Variants in NRXN1 observed in about 807,000 individuals in gnomAD.
The protein encoded by NRXN1 is neurexin-1.
In NRXN1, 39 loss-of-function variants were observed where a neutral mutation model predicts 150.9. The ratio of observed to expected loss-of-function variants is 0.26; its 90% CI spans 0.20 to 0.34. The LOEUF (loss-of-function observed/expected upper bound fraction) is 0.34. Ranked by LOEUF, NRXN1 falls within the 10% of genes least tolerant of loss-of-function variation. The pLI is 1.00. For missense variants in NRXN1, 1,815 were observed against 1,949.9 expected (o/e 0.93, Z 1.30); for synonymous variants, 924 against 757.0 (o/e 1.22, Z -3.62).
chr2:50,881,516 G>T (rs1212521533), intron 5 of NRXN1, among the ~76,000 whole-genome samples: 1 of 151,880 alleles, frequency 6.6e-6, no homozygotes, highest in Non-Finnish European at 1.5e-5. Flanking sequence ...TTGTCATGCT[G>T]TTGATAAAAA....
At chr2:50,971,403 T>C (rs1435431699) in intron 2 of NRXN1, among the ~76,000 whole-genome samples, 1 of 151,886 alleles carries the variant, frequency 6.6e-6, no homozygotes, top group South Asian at 2.1e-4. Context: ...GCCAACATGG[T>C]GAAACCCCGT....
At chr2:51,014,825 G>A (rs561147923) in intron 2 of NRXN1, among the ~76,000 whole-genome samples, 1 of 152,090 alleles carries the variant, frequency 6.6e-6, no homozygotes, top group East Asian at 1.9e-4. Flanking sequence ...TGAATTAATA[G>A]CACAAAGAGC....
chr2:50,197,803 C>A (rs17040158), intron 18 of NRXN1, among the ~76,000 whole-genome samples: 2,933 of 152,228 alleles, frequency 0.019, 99 homozygotes, highest in African/African-American at 0.067. Flanking sequence ...ATCACAGCTA[C>A]TTGACACCTA....
At chr2:50,056,586 C>A (rs1284625263) in intron 19 of NRXN1, among the ~76,000 whole-genome samples, 2 of 151,890 alleles carry the variant, frequency 1.3e-5, no homozygotes, top group Admixed American at 1.3e-4. Flanking sequence ...TTTAAAAGGA[C>A]ACAAATGGTA....
intron 17 of NRXN1, among the ~76,000 whole-genome samples, chr2:50,320,313 T>TG (rs2075938918): frequency 7.7e-6 from 1 of 129,260 alleles, no homozygotes; most frequent in African/African-American, 2.9e-5. Flanking sequence ...TATATATATA[T>TG]ATATATATAT....
chr2:50,270,848 G>C, intron 17 of NRXN1, among the ~76,000 whole-genome samples: 1 of 151,970 alleles, frequency 6.6e-6, no homozygotes, highest in East Asian at 1.9e-4. Context: ...TAGTAGAGAC[G>C]GGTTTTCACC....
At chr2:50,377,480 G>A (rs973558171) in intron 17 of NRXN1, among the ~76,000 whole-genome samples, 2 of 152,090 alleles carry the variant, frequency 1.3e-5, no homozygotes, top group East Asian at 3.9e-4. Flanking sequence ...TGTGCCACAT[G>A]TTCTTTATTT....
chr2:50,576,626 T>C (rs183272024), intron 8 of NRXN1, among the ~76,000 whole-genome samples: 91 of 152,208 alleles, frequency 6.0e-4, no homozygotes, highest in Non-Finnish European at 1.1e-3. Context: ...AACACATACA[T>C]ACCCCTCTTG....
intron 16 of NRXN1, among the ~76,000 whole-genome samples, chr2:50,468,519 C>T (rs1022276103): frequency 6.6e-6 from 1 of 151,336 alleles, no homozygotes; most frequent in Non-Finnish European, 1.5e-5. Flanking sequence ...GTAATATTAT[C>T]TTTATTTTAT....
chr2:50,672,710 TA>T (rs1318032850), intron 5 of NRXN1, among the ~76,000 whole-genome samples: 1 of 152,070 alleles, frequency 6.6e-6, no homozygotes, highest in Non-Finnish European at 1.5e-5. Context: ...AGCTCTGTTA[TA>T]GATAAAATAT....
intron 17 of NRXN1, among the ~76,000 whole-genome samples, chr2:50,260,691 G>C (rs1161018271): frequency 3.1e-5 from 4 of 129,922 alleles, no homozygotes; most frequent in Non-Finnish European, 4.7e-5. Context: ...ATTAGTCACA[G>C]ACCTAACCTG....
At position 50,653,955 on chromosome 2, in the gene NRXN1, C is replaced by T. The variant is rs371149272; in HGVS notation, c.833-30340G>A. Among the ~76,000 whole-genome samples the T allele has an allele frequency of 9.9e-5, 14 of 141,832 alleles. No individual in the cohort carries two copies. In the South Asian group the frequency reaches 3.2e-3, roughly 32 times the overall value. 93.0% of individuals were successfully genotyped at this position (141,832 alleles called of 152,430 possible). On this transcript the variant is annotated intron_variant, in intron 5 of 22. Coordinates refer to ENST00000401669, the MANE Select transcript of NRXN1 (RefSeq NM_001330078.2). ...AGAATCTCACTATGCCCCCTACTTT[C>T]TTCTCTTTTGGCCTTTTCATCTTTT...
intron 18 of NRXN1, among the ~76,000 whole-genome samples, chr2:50,143,462 T>A (rs1054878121): frequency 6.6e-6 from 1 of 151,954 alleles, no homozygotes; most frequent in African/African-American, 2.4e-5. Flanking sequence ...TAATTTATTA[T>A]GCGCTGATTT....
At chr2:50,829,679 C>G in intron 5 of NRXN1, 1 of 1,610,308 alleles carries the variant, frequency 6.2e-7, no homozygotes, top group Non-Finnish European at 8.5e-7. Context: ...GCTGACACAG[C>G]GGAGCGCCGC....
intron 21 of NRXN1, among the ~76,000 whole-genome samples, chr2:49,957,900 A>G (rs564976641): frequency 6.6e-6 from 1 of 152,242 alleles, no homozygotes; most frequent in African/African-American, 2.4e-5. Flanking sequence ...ATGTTTGGGT[A>G]TGGGGCAGAT....
At chr2:50,762,223 CCT>C (rs1484982170) in intron 5 of NRXN1, among the ~76,000 whole-genome samples, 2 of 151,710 alleles carry the variant, frequency 1.3e-5, no homozygotes, top group Non-Finnish European at 2.9e-5. Flanking sequence ...TGCTACACAG[CCT>C]TGAACTTCTG....
chr2:50,510,259 G>A (rs953350867), intron 12 of NRXN1, among the ~76,000 whole-genome samples: 3 of 151,860 alleles, frequency 2.0e-5, no homozygotes, highest in Non-Finnish European at 4.4e-5. Flanking sequence ...AAGTTGAGGC[G>A]GGAGAATCAC....
chr2:50,571,497 T>C (rs887562502), intron 8 of NRXN1, among the ~76,000 whole-genome samples: 1 of 152,184 alleles, frequency 6.6e-6, no homozygotes, highest in Non-Finnish European at 1.5e-5. Context: ...TCTGTCCTTG[T>C]TGTTTCTTGA....
rs139182486 is a variant in NRXN1, at chr2:50,860,300, T to C, written c.832+61569A>G. Among the ~76,000 whole-genome samples the C allele has an allele frequency of 7.9e-5, 12 of 152,022 alleles. No individual in the cohort carries two copies. In the East Asian group the frequency reaches 2.3e-3, roughly 30 times the overall value. On this transcript the variant is annotated intron_variant, in intron 5 of 22. Coordinates refer to ENST00000401669, the MANE Select transcript of NRXN1 (RefSeq NM_001330078.2). ...GAGGTATGTCACTTATCTTTCTGGGTCTCTACTTGCTTGATTTTTAAGAAT... is the reference window on the plus strand; with the variant it reads ...GAGGTATGTCACTTATCTTTCTGGGCCTCTACTTGCTTGATTTTTAAGAAT...
Sources: gnomAD v4.1 joint callset for allele counts (sites outside exome capture counted in the v4.1 genomes callset) on GRCh38, gnomAD v4.1.1 for gene constraint, MANE v1.5 for transcripts, NCBI Gene and HGNC (gene_info 2026-07-23, HGNC 2026-07-21) for gene names.